The following MTAP variants were observed in gnomAD, a reference collection of about 807,000 sequenced individuals.
MTAP encodes methylthioadenosine phosphorylase.
A neutral mutation model predicts 33.6 loss-of-function variants in MTAP; 33 were observed. The ratio of observed to expected loss-of-function variants is 0.98; its 90% confidence interval spans 0.74 to 1.31. The LOEUF (loss-of-function observed/expected upper bound fraction) is 1.31. MTAP is among the 40% of genes most tolerant of loss of function. MTAP has a pLI of 0.00. For missense variants in MTAP, 367 were observed against 360.0 expected (o/e 1.02, Z -0.16); for synonymous variants, 148 against 125.7 (o/e 1.18, Z -1.19).
At chr9:21,814,380 A>G (rs1007314251) in intron 1 of MTAP, among the ~76,000 whole-genome samples, 1 of 152,014 alleles carries the variant, frequency 6.6e-6, no homozygotes, top group South Asian at 2.1e-4. Flanking sequence ...TTATTTAGTT[A>G]CCCTTGTGAC....
At chr9:21,838,296 C>G (rs1186595988) in intron 5 of MTAP, among the ~76,000 whole-genome samples, 1 of 152,202 alleles carries the variant, frequency 6.6e-6, no homozygotes, top group Non-Finnish European at 1.5e-5. Context: ...TCACATTACT[C>G]AAGAGTATGC....
chr9:21,871,876 A>T (rs1348569454), downstream of MTAP, among the ~76,000 whole-genome samples: 1 of 152,216 alleles, frequency 6.6e-6, no homozygotes, highest in Non-Finnish European at 1.5e-5. Context: ...AAAGAAAATG[A>T]CTTACATATT....
intron 1 of MTAP, 78 bp downstream of exon 1, chr9:21,802,859 C>CG (rs1824086583): frequency 6.3e-7 from 1 of 1,579,772 alleles, no homozygotes; most frequent in Non-Finnish European, 8.6e-7. Context: ...ACCGCGCCTC[C>CG]GGGGGCCATG....
intron 5 of MTAP, among the ~76,000 whole-genome samples, chr9:21,844,732 A>G (rs1825333025): frequency 6.6e-6 from 1 of 152,200 alleles, no homozygotes; most frequent in South Asian, 2.1e-4. Context: ...ACGTACCTCA[A>G]GGTAATAAAA....
At chr9:21,822,825 A>C (rs572308023) in intron 4 of MTAP, among the ~76,000 whole-genome samples, 1 of 152,330 alleles carries the variant, frequency 6.6e-6, no homozygotes, top group Non-Finnish European at 1.5e-5. Context: ...TATTGGGTGC[A>C]TATAGATTTA....
chr9:21,903,469 A>G (rs1587286552), intron 1 of MTAP, among the ~76,000 whole-genome samples: 1 of 152,190 alleles, frequency 6.6e-6, no homozygotes, highest in East Asian at 1.9e-4. Flanking sequence ...AACTTCTCAC[A>G]TTGCTGCCAT....
chr9:21,810,173 C>T (rs1322499962), intron 1 of MTAP, among the ~76,000 whole-genome samples: 2 of 152,094 alleles, frequency 1.3e-5, no homozygotes, highest in African/African-American at 4.8e-5. Context: ...GTTAGAAGTC[C>T]AAGATCAAGG....
At position 21,824,608 on chromosome 9, in the gene MTAP, A is replaced by T. The variant is rs187054914; in HGVS notation, c.347+6406A>T. 7.5e-3 allele frequency among the ~76,000 whole-genome samples: 1,149 copies of T among 152,234 alleles called. 12 individuals are homozygous for T. The highest frequency in any genetic ancestry group is 0.025 in the African/African-American group (1,039 of 41,540). ...AGATCTCAAACTCTGTGCTGGGAGA[A>T]CCACTACTCTCTTCAAAGCTGTCAG... On this transcript the variant is annotated intron_variant, in intron 4 of 7. Coordinates refer to ENST00000644715, the MANE Select transcript of MTAP (RefSeq NM_002451.4).
intron 4 of MTAP, among the ~76,000 whole-genome samples, chr9:21,833,975 GT>G (rs1197910024): frequency 6.6e-6 from 1 of 151,980 alleles, no homozygotes; most frequent in Non-Finnish European, 1.5e-5. Flanking sequence ...ACATCATTTT[GT>G]CTCCTTTACT....
intron 1 of MTAP, among the ~76,000 whole-genome samples, chr9:21,890,336 C>A (rs1818180102): frequency 6.6e-6 from 1 of 152,190 alleles, no homozygotes; most frequent in African/African-American, 2.4e-5. Context: ...CCGCTGAGAT[C>A]TTGCCCCAGG....
intron 1 of MTAP, among the ~76,000 whole-genome samples, chr9:21,906,279 A>C (rs2118828216): frequency 6.6e-6 from 1 of 152,358 alleles, no homozygotes; most frequent in Admixed American, 6.5e-5. Flanking sequence ...GATAAAAGAA[A>C]ATATGTATAT....
chr9:21,811,529 A>G (rs375766709), intron 1 of MTAP: 4 of 301,304 alleles, frequency 1.3e-5, no homozygotes, highest in Admixed American at 7.8e-5. Context: ...GCAAGCGCAC[A>G]TACACTAAGA....
At chr9:21,879,923 C>G (rs1817979010) in intron 1 of MTAP, among the ~76,000 whole-genome samples, 2 of 152,040 alleles carry the variant, frequency 1.3e-5, no homozygotes, top group African/African-American at 4.8e-5. Context: ...GATGGGGCTC[C>G]TTTTGTAGGC....
intron 4 of MTAP, among the ~76,000 whole-genome samples, chr9:21,830,930 A>C (rs1240269725): frequency 6.6e-6 from 1 of 152,110 alleles, no homozygotes; most frequent in Non-Finnish European, 1.5e-5. Flanking sequence ...ATGCATTATA[A>C]AGTGGTGCAC....
At chr9:21,807,739 A>G (rs1824244607) in intron 1 of MTAP, among the ~76,000 whole-genome samples, 1 of 152,216 alleles carries the variant, frequency 6.6e-6, no homozygotes, top group Admixed American at 6.5e-5. Context: ...AAAGGAGGAA[A>G]TAAGGGCTTT....
At chr9:21,818,825 A>T (rs188566314) in intron 4 of MTAP, among the ~76,000 whole-genome samples, 1 of 152,254 alleles carries the variant, frequency 6.6e-6, no homozygotes, top group Admixed American at 6.5e-5. Flanking sequence ...GAAATACATA[A>T]TACGTTGTCA....
At chr9:21,821,388 A>G (rs139341344) in intron 4 of MTAP, among the ~76,000 whole-genome samples, 1,938 of 152,124 alleles carry the variant, frequency 0.013, 33 homozygotes, top group African/African-American at 0.044. Flanking sequence ...ATAATCATGT[A>G]GTTTTTGTCT....
At chr9:21,819,070 C>T (rs1824561148) in intron 4 of MTAP, among the ~76,000 whole-genome samples, 1 of 151,764 alleles carries the variant, frequency 6.6e-6, no homozygotes, top group African/African-American at 2.4e-5. Flanking sequence ...CATGTTGTGG[C>T]AATTGACAGA....
At chr9:21,908,759 G>A (rs1818516246) in intron 1 of MTAP, among the ~76,000 whole-genome samples, 1 of 151,270 alleles carries the variant, frequency 6.6e-6, no homozygotes, top group South Asian at 2.1e-4. Context: ...TTTTAATTTA[G>A]GTACAGTGTT....
Sources: allele counts gnomAD v4.1 joint callset (sites outside exome capture counted in the v4.1 genomes callset), GRCh38; gene constraint gnomAD v4.1.1; transcripts MANE v1.5; gene names NCBI Gene and HGNC (gene_info 2026-07-23, HGNC 2026-07-21).